Variants in NEK11 observed in about 807,000 individuals in gnomAD.
The protein encoded by NEK11 is NIMA related kinase 11.
NEK11 carries 72 observed loss-of-function variants against 80.7 expected under a neutral mutation model. The ratio of observed to expected loss-of-function variants is 0.89; its 90% CI spans 0.74 to 1.08. The LOEUF (loss-of-function observed/expected upper bound fraction) is 1.08. Ranked by LOEUF, NEK11 falls within the 50% of genes least tolerant of loss-of-function variation. The probability of loss-of-function intolerance (pLI) is 0.00; values close to 1 mark genes in which losing one functional copy is unlikely to be tolerated. For missense variants in NEK11, 764 were observed against 763.6 expected (o/e 1.00, Z -0.01); for synonymous variants, 251 against 260.7 (o/e 0.96, Z 0.36).
At chr3:131,222,940 G>T (rs184642981) in intron 14 of NEK11, among the ~76,000 whole-genome samples, 22 of 152,342 alleles carry the variant, frequency 1.4e-4, no homozygotes, top group Admixed American at 8.5e-4. Context: ...CTGGAACAGG[G>T]TGATGTCTTC....
At chr3:131,309,379 A>G (rs1390322082) in intron 17 of NEK11, among the ~76,000 whole-genome samples, 1 of 152,244 alleles carries the variant, frequency 6.6e-6, no homozygotes, top group East Asian at 1.9e-4. Flanking sequence ...TGTTAAAAAA[A>G]GTAATCATTG....
rs1006986933 is a variant in NEK11 at position 131,263,737 on chromosome 3, G to C, written c.1622-9741G>C. 3.8e-4 allele frequency among the ~76,000 whole-genome samples: 58 copies of C among 152,218 alleles called. 1 individual carries two copies. The highest frequency in any genetic ancestry group is 3.5e-3 in the Admixed American group (53 of 15,274). On this transcript the variant is annotated intron_variant, in intron 16 of 17. Coordinates refer to ENST00000383366, the MANE Select transcript of NEK11 (RefSeq NM_024800.5). Reference sequence around the variant, plus strand: ...TCCTTTGGGTGTATACCTAGTAATGGGGTCACTGGGTCAAATGGTATTTCT... The same window carrying C: ...TCCTTTGGGTGTATACCTAGTAATGCGGTCACTGGGTCAAATGGTATTTCT...
At chr3:131,250,566 A>G (rs909489153) in intron 16 of NEK11, among the ~76,000 whole-genome samples, 6 of 152,082 alleles carry the variant, frequency 3.9e-5, no homozygotes, top group Admixed American at 6.6e-5. Context: ...CAATCAAGAA[A>G]GAGGAAGACA....
intron 14 of NEK11, among the ~76,000 whole-genome samples, chr3:131,227,475 G>T (rs2095232992): frequency 6.6e-6 from 1 of 152,018 alleles, no homozygotes; most frequent in Non-Finnish European, 1.5e-5. Flanking sequence ...AGCTCTGTGA[G>T]TTTAAGTCTC....
At chr3:131,261,323 T>A (rs1330945257) in intron 16 of NEK11, among the ~76,000 whole-genome samples, 2 of 152,222 alleles carry the variant, frequency 1.3e-5, no homozygotes, top group Non-Finnish European at 2.9e-5. Flanking sequence ...TTGTCAAGTG[T>A]CATAATCCTC....
chr3:131,194,028 C>A (rs1425074787), intron 14 of NEK11, among the ~76,000 whole-genome samples: 1 of 152,134 alleles, frequency 6.6e-6, no homozygotes, highest in Non-Finnish European at 1.5e-5. Context: ...AGTTGATTTG[C>A]AGGTTTATCG....
At chr3:131,045,127 A>G (rs1042493535) in intron 3 of NEK11, among the ~76,000 whole-genome samples, 5 of 152,230 alleles carry the variant, frequency 3.3e-5, no homozygotes, top group Non-Finnish European at 5.9e-5. Context: ...CAGTGTTTAG[A>G]GGGAAATTTA....
intron 5 of NEK11, 57 bp from the exon 6 acceptor site, chr3:131,132,688 G>T: frequency 1.2e-6 from 1 of 856,416 alleles, no homozygotes; most frequent in South Asian, 1.6e-5. Context: ...TATTTACATG[G>T]GGATTTAAAA....
chr3:131,257,475 A>C (rs1479344774), intron 16 of NEK11, among the ~76,000 whole-genome samples: 4 of 152,226 alleles, frequency 2.6e-5, no homozygotes, highest in Non-Finnish European at 5.9e-5. Flanking sequence ...TATTTACTAT[A>C]TTAATGAGCT....
intron 15 of NEK11, among the ~76,000 whole-genome samples, chr3:131,238,742 TC>T (rs900707545): frequency 6.6e-6 from 1 of 151,992 alleles, no homozygotes; most frequent in African/African-American, 2.4e-5. Context: ...CTGGGCGCGT[TC>T]CAGAAACTGC....
At chr3:131,346,980 G>A (rs1293353792) in intron 17 of NEK11, among the ~76,000 whole-genome samples, 1 of 152,212 alleles carries the variant, frequency 6.6e-6, no homozygotes, top group Non-Finnish European at 1.5e-5. Flanking sequence ...GTACAAGGTG[G>A]AAGAAAGAGT....
At chr3:131,119,656 G>A (rs1227882028) in intron 5 of NEK11, among the ~76,000 whole-genome samples, 1 of 152,170 alleles carries the variant, frequency 6.6e-6, no homozygotes, top group East Asian at 1.9e-4. Context: ...GGGTTCTCCT[G>A]TATTGGGTGT....
intron 4 of NEK11, among the ~76,000 whole-genome samples, chr3:131,098,419 T>G (rs1169775927): frequency 1.3e-5 from 2 of 152,170 alleles, no homozygotes; most frequent in African/African-American, 4.8e-5. Context: ...GTTTTTTGAC[T>G]TTTTAAAAAT....
At position 131,090,936 on chromosome 3, in the gene NEK11, A is replaced by G. The variant is rs79684017; in HGVS notation, c.336+10348A>G. Among the ~76,000 whole-genome samples, 289 of 152,152 alleles carry G rather than the reference A, an allele frequency of 1.9e-3. 3 individuals carry two copies. The highest frequency in any genetic ancestry group is 6.4e-3 in the African/African-American group (266 of 41,490). ...TGACACCAGGCTGGGCTAATTTTAAAATTGTTTTTTAGAGATGGGATCTTG... is the reference window on the plus strand; with the variant it reads ...TGACACCAGGCTGGGCTAATTTTAAGATTGTTTTTTAGAGATGGGATCTTG... On this transcript the variant is annotated intron_variant, in intron 4 of 17. Transcript: ENST00000383366.
At chr3:131,253,126 A>C (rs1164730681) in intron 16 of NEK11, among the ~76,000 whole-genome samples, 1 of 152,168 alleles carries the variant, frequency 6.6e-6, no homozygotes, top group East Asian at 1.9e-4. Context: ...AAGGCATTGC[A>C]TAAAGAGTTG....
At chr3:131,169,046 G>A (rs1049522816) in intron 13 of NEK11, 109 bp downstream of exon 13, 3 of 711,222 alleles carry the variant, frequency 4.2e-6, no homozygotes, top group Non-Finnish European at 2.3e-6. Context: ...GGAGCCTGAA[G>A]GGTTTTAAAT....
At chr3:131,127,026 C>T (rs1212479966) in intron 5 of NEK11, among the ~76,000 whole-genome samples, 7 of 136,912 alleles carry the variant, frequency 5.1e-5, no homozygotes, top group African/African-American at 1.8e-4. Context: ...AGTACAGTGG[C>T]GCGATCCTGG....
At chr3:131,120,191 C>T (rs533570389) in intron 5 of NEK11, among the ~76,000 whole-genome samples, 121 of 152,300 alleles carry the variant, frequency 7.9e-4, no homozygotes, top group African/African-American at 2.8e-3. Context: ...CAAAATCTCT[C>T]AGCATTTGCT....
chr3:131,169,755 A>G (rs1238039120), intron 13 of NEK11, among the ~76,000 whole-genome samples: 3 of 152,182 alleles, frequency 2.0e-5, no homozygotes, highest in Non-Finnish European at 4.4e-5. Context: ...CAATTATAAC[A>G]ATTCTATCTT....
Sources: gnomAD v4.1 joint callset for allele counts (sites outside exome capture counted in the v4.1 genomes callset) on GRCh38, gnomAD v4.1.1 for gene constraint, MANE v1.5 for transcripts, NCBI Gene and HGNC (gene_info 2026-07-23, HGNC 2026-07-21) for gene names.